GALC: variants seen among roughly 807,000 people sequenced by gnomAD.
GALC encodes the protein galactocerebrosidase.
In GALC, 77 loss-of-function variants were observed where a neutral mutation model predicts 91.8. The ratio of observed to expected loss-of-function variants is 0.84; its 90% CI spans 0.70 to 1.01. The LOEUF (loss-of-function observed/expected upper bound fraction) is 1.01, where lower values mean the gene tolerates loss of function less well. Ranked by LOEUF, GALC falls within the 50% of genes least tolerant of loss-of-function variation. GALC has a pLI of 0.00. For synonymous variants in GALC, 357 were observed against 306.7 expected (o/e 1.16, Z -1.71); for missense variants, 882 against 855.9 (o/e 1.03, Z -0.38).
At chr14:87,966,760 C>A (rs1886072182) in intron 8 of GALC, among the ~76,000 whole-genome samples, 1 of 152,088 alleles carries the variant, frequency 6.6e-6, no homozygotes, top group African/African-American at 2.4e-5. Context: ...CTGACCATTC[C>A]ATTTCTAAGA....
At chr14:87,985,349 T>C (rs1184450926) in intron 4 of GALC, among the ~76,000 whole-genome samples, 1 of 152,212 alleles carries the variant, frequency 6.6e-6, no homozygotes, top group Non-Finnish European at 1.5e-5. Flanking sequence ...AACACCCAAG[T>C]GTATTACATA....
At position 87,993,049 on chromosome 14, in the gene GALC, G is replaced by T. The variant is rs541473119; in HGVS notation, c.116C>A (p.Pro39His). ...GTCGTCGAGCACGTACGCGCCGCCG[G>T]GCGCCAGCAGCGCACACAGCAGCAA... ...VPLLLCALLA[P>H]GGAYVLDDSD... The change falls in exon 1 of 17, where the codon CCC (proline) becomes CAC (histidine). Residue 39 changes from proline to histidine, a missense_variant. Coordinates refer to ENST00000261304, the MANE Select transcript of GALC (RefSeq NM_000153.4). The T allele has an allele frequency of 2.6e-6, 4 of 1,558,398 alleles. No homozygotes were observed. The South Asian group carries it at 3.5e-5, about 14-fold the overall frequency.
intron 6 of GALC, chr14:87,981,140 A>T (rs1284009887): frequency 6.6e-6 from 1 of 152,262 alleles, no homozygotes; most frequent in African/African-American, 2.4e-5. Context: ...AAAGGAATGC[A>T]TTAATGGCAT....
rs60680373 is a variant in GALC, at chr14:87,936,914, T to TATATATATATATATATATATATATA, written c.1912-2037_1912-2036insTATATATATATATATATATATATAT. Among the ~76,000 whole-genome samples the TATATATATATATATATATATATATA allele has an allele frequency of 6.0e-3, 638 of 105,462 alleles. 62 individuals are homozygous for TATATATATATATATATATATATATA. Among genetic ancestry groups the TATATATATATATATATATATATATA allele is most frequent in the African/African-American group, 0.017 (437 of 25,464 alleles). The allele number at this position is 105,462 out of a possible 152,430, so 69.2% of individuals were successfully genotyped here. ...TCAGGTACTATATATATATATATAT[T>TATATATATATATATATATATATATA]TATTTATTTTCTCATTGAATCTTCA... On this transcript the variant is annotated intron_variant, in intron 16 of 16. Transcript: ENST00000261304.
chr14:87,992,901 G>C, intron 1 of GALC, 69 bp downstream of exon 1: 1 of 1,454,452 alleles, frequency 6.9e-7, no homozygotes, highest in Middle Eastern at 2.5e-4. Context: ...CGCCGCGGGG[G>C]CTTGTGGGGC....
At chr14:87,968,095 G>C (rs1001482286) in intron 8 of GALC, among the ~76,000 whole-genome samples, 1 of 152,026 alleles carries the variant, frequency 6.6e-6, no homozygotes, top group Non-Finnish European at 1.5e-5. Context: ...AGAGCTGCAT[G>C]TATTTTGCTA....
chr14:87,968,459 C>A lies in GALC; in HGVS notation c.784G>T (p.Asp262Tyr). Residue 262 changes from aspartate (D) to tyrosine (Y), a missense_variant, in exon 8 of 17, where the codon GAT becomes TAT. Asp to Tyr is a radical substitution (Grantham distance 160). Coordinates refer to ENST00000261304, the MANE Select transcript of GALC (RefSeq NM_000153.4). ...AGCTTCTTCCCAGTCAACTTTGCAT[C>A]TTTTGCTGAATGGGTTCCAGGATAA... ...AHYPGTHSAK[D>Y]AKLTGKKLWS... The A allele has an allele frequency of 6.2e-7, 1 of 1,613,630 alleles. No homozygotes were observed. The highest frequency in any genetic ancestry group is 8.5e-7 in the Non-Finnish European group (1 of 1,179,868).
chr14:87,993,604 T>C, upstream of GALC: 1 of 783,110 alleles, frequency 1.3e-6, no homozygotes, highest in Non-Finnish European at 2.1e-6. Context: ...GAGTTTTCCC[T>C]TATGTGAGAT....
At chr14:87,940,260 T>C (rs1435885154) in intron 15 of GALC, among the ~76,000 whole-genome samples, 2 of 151,934 alleles carry the variant, frequency 1.3e-5, no homozygotes, top group East Asian at 1.9e-4. Context: ...CCAGTGATAG[T>C]ATGAGGTGTT....
Position 87,934,620 on chromosome 14 carries a change from T to C in GALC, c.*112A>G. On this transcript the variant is annotated 3_prime_UTR_variant, in exon 17 of 17. Coordinates refer to ENST00000261304, the MANE Select transcript of GALC (RefSeq NM_000153.4). ...TCTCTCCCCTTTTACTCTTCATTAT[T>C]TTTAGTCTCAAAAGCCTCATATACT... 1 of 1,582,314 alleles carries C rather than the reference T, an allele frequency of 6.3e-7. No individual in the cohort carries two copies. Among genetic ancestry groups the C allele is most frequent in the South Asian group, 1.1e-5 (1 of 87,260 alleles).
At chr14:87,975,497 ATATTTT>A (rs1566999556) in intron 7 of GALC, among the ~76,000 whole-genome samples, 1 of 152,144 alleles carries the variant, frequency 6.6e-6, no homozygotes, top group Non-Finnish European at 1.5e-5. Context: ...ATACACAGTA[ATATTTT>A]TATGGAAGAA....
chr14:87,941,740 T>TACATG (rs1465405556), intron 14 of GALC, among the ~76,000 whole-genome samples, 182 bp from the exon 15 acceptor site: 18 of 152,154 alleles, frequency 1.2e-4, no homozygotes, highest in African/African-American at 3.1e-4. Context: ...TTTTAAATGT[T>TACATG]ACATGACTTA....
At position 87,993,108 on chromosome 14, in the gene GALC, C is replaced by A. The variant is rs1015595560; in HGVS notation, c.57G>T (p.Ala19=). 2 of 1,588,778 alleles carry A rather than the reference C, an allele frequency of 1.3e-6. No individual in the cohort carries two copies. The highest frequency in any genetic ancestry group is 2.7e-5 in the African/African-American group (2 of 74,562). ...CGGCGCGGCCCGCCGAACCCGCGGCCGCAGTCATAGCTTTCGCTCGGCGTT... is the reference window on the plus strand; with the variant it reads ...CGGCGCGGCCCGCCGAACCCGCGGCAGCAGTCATAGCTTTCGCTCGGCGTT... ...SWQRRAKAMT[A]AAGSAGRAAV... is the part of the protein sequence containing the mutation. Residue 19 remains alanine (A), a synonymous_variant, in exon 1 of 17, where the codon GCG becomes GCT. Transcript: ENST00000261304.
rs200231860 is a variant in GALC, at chr14:87,947,783, C to T, written c.1434G>A (p.Pro478=). 2.6e-4 allele frequency: 424 copies of T among 1,612,822 alleles called. 2 individuals are homozygous for T. Among genetic ancestry groups the T allele is most frequent in the Non-Finnish European group, 3.2e-4 (376 of 1,179,204 alleles). ...GGAAGGGCTGGGATTTTGGAGGAAG[C>T]GGGTAGCTGCCTTTGCGACCAGTGG... is the stretch of plus-strand genomic sequence containing the variant. The part of the protein sequence containing the change: ...TLTTGRKGSY[P]LPPKSQPFPS... Residue 478 remains proline (P), a synonymous_variant, in exon 13 of 17, where the codon CCG becomes CCA. Transcript: ENST00000261304.
At chr14:87,983,455 G>A (rs2139746776) in intron 5 of GALC, among the ~76,000 whole-genome samples, 1 of 152,276 alleles carries the variant, frequency 6.6e-6, no homozygotes, top group South Asian at 2.1e-4. Context: ...TCATCATGTA[G>A]TATTACAGTT....
chr14:87,992,379 T>C, intron 1 of GALC: 2 of 1,535,738 alleles, frequency 1.3e-6, no homozygotes, highest in Non-Finnish European at 1.7e-6. Context: ...CTTATCTTCC[T>C]TTTAAAGAGA....
rs1886140748 is a variant in GALC at position 87,968,350 on chromosome 14, T to C, written c.893A>G (p.Asn298Ser). Residue 298 changes from asparagine to serine, a missense_variant, in exon 8 of 17, where the codon AAT becomes AGT. Asn to Ser is a conservative substitution (Grantham distance 46, BLOSUM62 1). Transcript: ENST00000261304. ...WGRILNQNYI[N>S]GYMTSTIAWN... ...AATAACTTACGAAGTCATATAGCCATTGATATAATTCTGATTTAAAATGCG... is the reference window on the plus strand; with the variant it reads ...AATAACTTACGAAGTCATATAGCCACTGATATAATTCTGATTTAAAATGCG... 1.9e-6 allele frequency: 3 copies of C among 1,612,930 alleles called. No homozygotes were observed. The highest frequency in any genetic ancestry group is 2.5e-6 in the Non-Finnish European group (3 of 1,179,356).
chr14:87,978,806 A>C (rs867310105), intron 6 of GALC, among the ~76,000 whole-genome samples: 6 of 151,892 alleles, frequency 4.0e-5, no homozygotes, highest in African/African-American at 1.2e-4. Context: ...AAACCACGAT[A>C]AATCTTACAT....
intron 10 of GALC, chr14:87,952,407 T>G: frequency 4.8e-6 from 2 of 413,076 alleles, no homozygotes; most frequent in South Asian, 5.3e-5. Context: ...AGACTAATGT[T>G]GTTCTAAAAA....
Sources: allele counts gnomAD v4.1 joint callset (sites outside exome capture counted in the v4.1 genomes callset), GRCh38; gene constraint gnomAD v4.1.1; transcripts MANE v1.5; gene names NCBI Gene and HGNC (gene_info 2026-07-23, HGNC 2026-07-21).